The following DNER variants were observed in gnomAD, a reference collection of about 807,000 sequenced individuals.
The protein encoded by DNER is delta/notch like EGF repeat containing.
In DNER, 33 loss-of-function variants were observed where a neutral mutation model predicts 78.2. That is an observed-to-expected ratio of 0.42 (90% CI 0.32 to 0.56). DNER has a LOEUF of 0.56. Among genes scored for constraint, DNER ranks in the 20% least tolerant of loss-of-function variants. The pLI is 0.11. For synonymous variants in DNER, 417 were observed against 384.8 expected (o/e 1.08, Z -0.98); for missense variants, 918 against 975.3 (o/e 0.94, Z 0.78).
At chr2:229,528,576 C>T (rs913662854) in intron 5 of DNER, among the ~76,000 whole-genome samples, 2 of 152,112 alleles carry the variant, frequency 1.3e-5, no homozygotes, top group Admixed American at 6.5e-5. Context: ...GAACTCTGAT[C>T]TCTACCCGCA....
At chr2:229,455,300 A>AT (rs1399069296) in intron 7 of DNER, among the ~76,000 whole-genome samples, 2 of 152,006 alleles carry the variant, frequency 1.3e-5, no homozygotes, top group East Asian at 1.9e-4. Context: ...AGGCTTAATC[A>AT]TTTTTTCTCT....
intron 1 of DNER, among the ~76,000 whole-genome samples, chr2:229,662,891 T>G (rs1464262596): frequency 6.6e-6 from 1 of 152,212 alleles, no homozygotes; most frequent in Non-Finnish European, 1.5e-5. Flanking sequence ...AATAAGAAAC[T>G]GTGCTGACAA....
At chr2:229,376,099 C>T (rs1488268150) in intron 11 of DNER, among the ~76,000 whole-genome samples, 1 of 152,202 alleles carries the variant, frequency 6.6e-6, no homozygotes, top group Non-Finnish European at 1.5e-5. Context: ...CCTTCCCAGC[C>T]ATGCTGAAAT....
chr2:229,424,601 G>A (rs540183508), intron 8 of DNER, among the ~76,000 whole-genome samples: 1 of 152,226 alleles, frequency 6.6e-6, no homozygotes, highest in Admixed American at 6.5e-5. Flanking sequence ...TTTTCTCTGT[G>A]TGTGAGTGCT....
chr2:229,701,629 C>T (rs1051145569), intron 1 of DNER, among the ~76,000 whole-genome samples: 1 of 152,318 alleles, frequency 6.6e-6, no homozygotes, highest in African/African-American at 2.4e-5. Context: ...GGTTCTTTTA[C>T]AGGTAGGTGA....
At chr2:229,497,962 C>T (rs1159524004) in intron 6 of DNER, among the ~76,000 whole-genome samples, 1 of 145,956 alleles carries the variant, frequency 6.9e-6, no homozygotes, top group Non-Finnish European at 1.5e-5. Context: ...ATACCAAAGC[C>T]AGACAAGGAC....
chr2:229,470,710 T>C (rs6710578), intron 7 of DNER, among the ~76,000 whole-genome samples: 54,822 of 151,704 alleles, frequency 0.36, 11,682 homozygotes, highest in African/African-American at 0.6. Flanking sequence ...ATTAGCCGGG[T>C]GTGGTGATGG....
intron 1 of DNER, among the ~76,000 whole-genome samples, chr2:229,644,219 T>TTA: frequency 6.6e-6 from 1 of 152,274 alleles, no homozygotes; most frequent in East Asian, 1.9e-4. Flanking sequence ...GATACAGGCA[T>TTA]GCAATGTGTG....
intron 1 of DNER, among the ~76,000 whole-genome samples, chr2:229,650,749 C>T (rs1243630706): frequency 6.6e-6 from 1 of 152,172 alleles, no homozygotes; most frequent in Non-Finnish European, 1.5e-5. Flanking sequence ...AGTCACTGTG[C>T]ATTGTCATTT....
At chr2:229,502,731 T>G (rs1695647391) in intron 6 of DNER, among the ~76,000 whole-genome samples, 1 of 152,122 alleles carries the variant, frequency 6.6e-6, no homozygotes, top group African/African-American at 2.4e-5. Context: ...TGTCCAACAA[T>G]GGGTAGAGAT....
At chr2:229,495,725 TG>T in intron 6 of DNER, among the ~76,000 whole-genome samples, 1 of 152,340 alleles carries the variant, frequency 6.6e-6, no homozygotes, top group East Asian at 1.9e-4. Context: ...TTTGACCAAA[TG>T]TCTCGGCACC....
chr2:229,524,675 C>T (rs143222430), intron 5 of DNER, among the ~76,000 whole-genome samples: 1 of 152,302 alleles, frequency 6.6e-6, no homozygotes, highest in East Asian at 1.9e-4. Context: ...ATTACCCAGC[C>T]CTTCACCAAT....
At chr2:229,507,286 G>A (rs1051696771) in intron 6 of DNER, among the ~76,000 whole-genome samples, 6 of 152,102 alleles carry the variant, frequency 3.9e-5, no homozygotes, top group South Asian at 2.1e-4. Flanking sequence ...TATGTGGTCC[G>A]TCATGACTAT....
Position 229,499,620 on chromosome 2 carries a change from A to G in DNER, c.1147+13163T>C, listed in dbSNP as rs1256673645. 3.3e-5 allele frequency among the ~76,000 whole-genome samples: 5 copies of G among 150,250 alleles called. No individual in the cohort carries two copies. In the East Asian group the frequency reaches 9.7e-4, roughly 29 times the overall value. ...ATCAGACCTGAAACTGTTAAACAGAAAAAAAAAAATAGAAGAGCTCTGTGG... is the reference window on the plus strand; with the variant it reads ...ATCAGACCTGAAACTGTTAAACAGAGAAAAAAAAATAGAAGAGCTCTGTGG... On this transcript the variant is annotated intron_variant, in intron 6 of 12. Coordinates refer to ENST00000341772, the MANE Select transcript of DNER (RefSeq NM_139072.4).
At chr2:229,480,646 C>G (rs571349837) in intron 6 of DNER, among the ~76,000 whole-genome samples, 1 of 152,266 alleles carries the variant, frequency 6.6e-6, no homozygotes, top group Admixed American at 6.5e-5. Context: ...GTCATAACAG[C>G]TTCGGGACCT....
At chr2:229,697,768 T>A (rs1261481057) in intron 1 of DNER, among the ~76,000 whole-genome samples, 3 of 152,218 alleles carry the variant, frequency 2.0e-5, no homozygotes, top group Non-Finnish European at 4.4e-5. Context: ...CAAGCAGCCC[T>A]TCATCAGGAG....
chr2:229,518,341 A>G (rs2154212489), intron 5 of DNER, among the ~76,000 whole-genome samples: 1 of 152,344 alleles, frequency 6.6e-6, no homozygotes. Context: ...AATACTAGAG[A>G]TGTGGTGAAG....
rs145149573 is a variant in DNER at position 229,573,352 on chromosome 2, G to T, written c.847+12506C>A. 3.1e-3 allele frequency among the ~76,000 whole-genome samples: 469 copies of T among 152,234 alleles called. 5 individuals carry two copies. Among genetic ancestry groups the T allele is most frequent in the African/African-American group, 0.011 (437 of 41,550 alleles). ...GAAAGCAAGACAGCATTTTCAAAAT[G>T]CAATCCCAATTATTTATATTCTTCA... is the stretch of plus-strand genomic sequence containing the variant. On this transcript the variant is annotated intron_variant, in intron 4 of 12. Transcript: ENST00000341772.
At chr2:229,675,027 C>T (rs977061428) in intron 1 of DNER, among the ~76,000 whole-genome samples, 1 of 151,578 alleles carries the variant, frequency 6.6e-6, no homozygotes, top group Non-Finnish European at 1.5e-5. Context: ...GGAAGGTGGC[C>T]ATCCTGTTAC....
Sources: allele counts gnomAD v4.1 joint callset (sites outside exome capture counted in the v4.1 genomes callset), GRCh38; gene constraint gnomAD v4.1.1; transcripts MANE v1.5; gene names NCBI Gene and HGNC (gene_info 2026-07-23, HGNC 2026-07-21).